AKNA: variants seen among roughly 807,000 people sequenced by gnomAD.
The protein encoded by AKNA is AT-hook transcription factor.
A neutral mutation model predicts 138.8 loss-of-function variants in AKNA; 67 were observed. That is an observed-to-expected ratio of 0.48 (90% CI 0.40 to 0.59). The LOEUF (loss-of-function observed/expected upper bound fraction) is 0.59, where lower values mean the gene tolerates loss of function less well. Among genes scored for constraint, AKNA ranks in the 20% least tolerant of loss-of-function variants. AKNA has a pLI of 0.00. For synonymous variants in AKNA, 737 were observed against 754.4 expected (o/e 0.98, Z 0.38); for missense variants, 1,813 against 1,880.4 (o/e 0.96, Z 0.66).
chr9:114,341,570 A>C lies in AKNA; in HGVS notation c.4030T>G (p.Ser1344Ala). Reference protein sequence around the residue: ...APAPPAFAYISSVPIMPYPPA... With the variant: ...APAPPAFAYIASVPIMPYPPA... ...GGATAAGGCATGATGGGAACCGAGG[A>C]GATGTAGGCAAAGGCTGGAGGGGCT... Residue 1344 changes from serine to alanine, a missense_variant, in exon 21 of 22, where the codon TCC becomes GCC. By Grantham distance (99) the Ser-to-Ala change is moderately conservative. Coordinates refer to ENST00000374088, the MANE Select transcript of AKNA (RefSeq NM_001317950.2). The C allele has an allele frequency of 6.2e-7, 1 of 1,613,990 alleles. No individual in the cohort carries two copies. Among genetic ancestry groups the C allele is most frequent in the Non-Finnish European group, 8.5e-7 (1 of 1,179,982 alleles).
upstream of AKNA, among the ~76,000 whole-genome samples, chr9:114,394,850 T>C (rs773238885): frequency 6.6e-6 from 1 of 152,248 alleles, no homozygotes; most frequent in African/African-American, 2.4e-5. Flanking sequence ...TCCTCAGTCC[T>C]GGTCCTTGGC....
At chr9:114,369,450 GC>G (rs1832604608) in intron 4 of AKNA, among the ~76,000 whole-genome samples, 1 of 152,134 alleles carries the variant, frequency 6.6e-6, no homozygotes, top group African/African-American at 2.4e-5. Context: ...TCACAATCTG[GC>G]CCTTTACAGA....
downstream of AKNA, chr9:114,331,518 C>A: frequency 6.8e-7 from 1 of 1,469,800 alleles, no homozygotes; most frequent in South Asian, 1.1e-5. Context: ...AAGACAGGCA[C>A]CATTGTGCCA....
chr9:114,375,656 A>C (rs994384238), intron 3 of AKNA, among the ~76,000 whole-genome samples: 1 of 152,174 alleles, frequency 6.6e-6, no homozygotes, highest in Admixed American at 6.5e-5. Context: ...TTTTGCTTCA[A>C]AATAATCTAG....
Position 114,337,013 on chromosome 9 carries a change from G to GCGCCCCCCCC in AKNA, c.*40_*41insGGGGGGGGCG. ...CCACTCCTGGCCTGGCAGGCCACCT[G>GCGCCCCCCCC]CCCACCCACCCACCCATCTGCCTCT... On this transcript the variant is annotated 3_prime_UTR_variant, in exon 22 of 22. Coordinates refer to ENST00000374088, the MANE Select transcript of AKNA (RefSeq NM_001317950.2). The GCGCCCCCCCC allele has an allele frequency of 1.7e-6, 2 of 1,185,370 alleles. No individual in the cohort carries two copies. The highest frequency in any genetic ancestry group is 4.9e-5 in the South Asian group (2 of 40,612). 73.4% of individuals were successfully genotyped at this position (1,185,370 alleles called of 1,614,324 possible).
chr9:114,375,215 C>T (rs977837747), intron 3 of AKNA, among the ~76,000 whole-genome samples: 2 of 152,120 alleles, frequency 1.3e-5, no homozygotes, highest in Admixed American at 1.3e-4. Flanking sequence ...GACAATGGGA[C>T]GCATGAAAAG....
chr9:114,394,954 G>C (rs377753348), upstream of AKNA, among the ~76,000 whole-genome samples: 11 of 151,030 alleles, frequency 7.3e-5, no homozygotes, highest in Admixed American at 1.3e-4. Flanking sequence ...AGCTGGCAGT[G>C]GGGGGGCTGG....
Position 114,355,386 on chromosome 9 carries a change from A to G in AKNA, c.3058+539T>C, listed in dbSNP as rs539765044. 5.3e-5 allele frequency among the ~76,000 whole-genome samples: 8 copies of G among 151,342 alleles called. No individual in the cohort carries two copies. In the East Asian group the frequency reaches 1.6e-3, roughly 30 times the overall value. ...GAGACGGGGTTTCACCACGTTGGCC[A>G]GGCTCGTCTCGAACTCCTGACCTCA... On this transcript the variant is annotated intron_variant, in intron 14 of 21. Transcript: ENST00000374088.
chr9:114,398,230 C>A (rs892016944), upstream of AKNA, among the ~76,000 whole-genome samples: 5 of 150,322 alleles, frequency 3.3e-5, no homozygotes, highest in Non-Finnish European at 5.9e-5. This position sits in a 1 kb window ranked among gnomAD's most constrained non-coding sequence, Gnocchi z 4.2. Flanking sequence ...CCGTCCAGGG[C>A]TCCCTCCCAT....
chr9:114,373,768 C>T (rs967366359), intron 4 of AKNA, among the ~76,000 whole-genome samples: 2 of 151,438 alleles, frequency 1.3e-5, no homozygotes, highest in Non-Finnish European at 2.9e-5. Context: ...TGCCTGCATT[C>T]CCAGCTACCA....
chr9:114,379,276 A>C (rs1257101634), intron 2 of AKNA, among the ~76,000 whole-genome samples: 1 of 152,260 alleles, frequency 6.6e-6, no homozygotes, highest in Non-Finnish European at 1.5e-5. Flanking sequence ...AAACTTGAGG[A>C]TAGTTCCTCC....
At chr9:114,396,486 C>T (rs1834537255), upstream of AKNA, among the ~76,000 whole-genome samples, 1 of 152,020 alleles carries the variant, frequency 6.6e-6, no homozygotes, top group African/African-American at 2.4e-5. Flanking sequence ...CGAGACCATC[C>T]CGGCCAACAT....
chr9:114,361,907 G>A lies in AKNA; in HGVS notation c.1921C>T (p.Leu641=). ...CCCAGACGGTATATCTCTGCCTCCAGCTCCCTGGAATGCAGAAACATTACC... is the reference window on the plus strand; with the variant it reads ...CCCAGACGGTATATCTCTGCCTCCAACTCCCTGGAATGCAGAAACATTACC... ...TPGRFDPRRE[L]EAEIYRLGSC... Residue 641 remains leucine, a synonymous_variant, in exon 9 of 22, where the codon CTG becomes TTG. Coordinates refer to ENST00000374088, the MANE Select transcript of AKNA (RefSeq NM_001317950.2). The A allele has an allele frequency of 6.2e-7, 1 of 1,601,528 alleles. No homozygotes were observed. The highest frequency in any genetic ancestry group is 8.5e-7 in the Non-Finnish European group (1 of 1,179,932).
chr9:114,359,677 T>A lies in AKNA; in HGVS notation c.2409A>T (p.Ala803=). The change falls in exon 11 of 22, where the codon GCA becomes GCT. Residue 803 remains alanine (A), a synonymous_variant. Coordinates refer to ENST00000374088, the MANE Select transcript of AKNA (RefSeq NM_001317950.2). ...TGGTGGCCTCTGCTTTCCCTGGAGTTGCAGCCACCCCATCAACTTCCAGGG... is the reference window on the plus strand; with the variant it reads ...TGGTGGCCTCTGCTTTCCCTGGAGTAGCAGCCACCCCATCAACTTCCAGGG... ...GDSLEVDGVA[A]TPGKAEATRV... is the part of the protein sequence containing the mutation. 1.2e-6 allele frequency: 2 copies of A among 1,613,562 alleles called. No homozygotes were observed. The highest frequency in any genetic ancestry group is 1.7e-4 in the Middle Eastern group (1 of 6,054).
intron 11 of AKNA, 52 bp downstream of exon 11, chr9:114,359,542 T>G (rs1289829296): frequency 6.2e-7 from 1 of 1,613,062 alleles, no homozygotes; most frequent in East Asian, 2.2e-5. Flanking sequence ...TGATCATCCC[T>G]GTGGTTTTAG....
At position 114,368,391 on chromosome 9, in the gene AKNA, A is replaced by G. The variant is rs556525559; in HGVS notation, c.1573+48T>C. The G allele has an allele frequency of 5.3e-6, 7 of 1,309,278 alleles. No homozygotes were observed. In the East Asian group the frequency reaches 2.0e-4, roughly 37 times the overall value. The allele number at this position is 1,309,278 out of a possible 1,614,324, so 81.1% of individuals were successfully genotyped here. On this transcript the variant is annotated intron_variant, in intron 5 of 21. Coordinates refer to ENST00000374088, the MANE Select transcript of AKNA (RefSeq NM_001317950.2). ...AACCAAGTCAGTCCCACAGAGCAGA[A>G]TCCCAGGCAGAAGGAGCCTCCAGCT...
At chr9:114,344,289 G>A (rs1830540469) in intron 18 of AKNA, 1 of 163,528 alleles carries the variant, frequency 6.1e-6, no homozygotes, top group Admixed American at 5.7e-5. Context: ...TGTAACATGG[G>A]GATAAACATA....
chr9:114,381,424 G>C lies in AKNA; in HGVS notation c.-91C>G, dbSNP rs16928584. On this transcript the variant is annotated 5_prime_UTR_variant, in exon 2 of 22. Coordinates refer to ENST00000374088, the MANE Select transcript of AKNA (RefSeq NM_001317950.2). Reference sequence around the variant, plus strand: ...CCAGAGTCACCGCTGGTTCCTGTCAGCATCGGCCATCCTGCCTGTGCCCTG... The same window carrying C: ...CCAGAGTCACCGCTGGTTCCTGTCACCATCGGCCATCCTGCCTGTGCCCTG... The C allele has an allele frequency of 8.4e-3, 12,082 of 1,439,912 alleles. 899 individuals carry two copies. In the African/African-American group the frequency reaches 0.16, roughly 18 times the overall value. The allele number at this position is 1,439,912 out of a possible 1,614,324, so 89.2% of individuals were successfully genotyped here.
chr9:114,380,949 C>T lies in AKNA; in HGVS notation c.274+111G>A. On this transcript the variant is annotated intron_variant, in intron 2 of 21. Transcript: ENST00000374088. The stretch of plus-strand genomic sequence containing the variant: ...AGTGAGCCGAGATCGTGCCACTGCA[C>T]TCCAGCCTGGCAATGAAGCAAGACT... 5.4e-6 allele frequency: 7 copies of T among 1,292,352 alleles called. No individual in the cohort carries two copies. The South Asian group carries it at 1.2e-4, about 23-fold the overall frequency. The allele number at this position is 1,292,352 out of a possible 1,614,324, so 80.1% of individuals were successfully genotyped here.
Sources: gnomAD v4.1 joint callset for allele counts (sites outside exome capture counted in the v4.1 genomes callset) on GRCh38, gnomAD v4.1.1 for gene constraint, Gnocchi (gnomAD v3.1) non-coding constraint, MANE v1.5 for transcripts, NCBI Gene and HGNC (gene_info 2026-07-23, HGNC 2026-07-21) for gene names.